Variants in SGCD observed in about 807,000 individuals in gnomAD.
The protein encoded by SGCD is delta-sarcoglycan.
Under a neutral mutation model 36.6 loss-of-function variants are expected in SGCD, and 18 were observed. The ratio of observed to expected loss-of-function variants is 0.49; its 90% CI spans 0.34 to 0.73. SGCD has a LOEUF of 0.73. SGCD is among the 30% of genes least tolerant of loss of function. SGCD has a pLI of 0.01. For synonymous variants in SGCD, 133 were observed against 130.6 expected, an observed-to-expected ratio of 1.02 and a Z score of -0.12; for missense variants, 387 against 346.7, an observed-to-expected ratio of 1.12 and a Z score of -0.92.
In SGCD at chr5:156,231,100, C is replaced by T. The variant is rs116150509; in HGVS notation, c.-43-98434C>T. Among the ~76,000 whole-genome samples the T allele has an allele frequency of 8.4e-3, 1,283 of 152,198 alleles. 11 individuals are homozygous for T. Among genetic ancestry groups the T allele is most frequent in the African/African-American group, 0.023 (936 of 41,520 alleles). ...GGTTTTGAACTTGATGAATATGTGA[C>T]GCCACCATAAAATCCAAGGAGAAAA... On this transcript the variant is annotated intron_variant, in intron 3 of 9. Transcript: ENST00000517913.
At chr5:156,518,602 T>C (rs1023569945) in intron 4 of SGCD, among the ~76,000 whole-genome samples, 3 of 152,090 alleles carry the variant, frequency 2.0e-5, no homozygotes, top group Non-Finnish European at 4.4e-5. Context: ...CCAATTGTGA[T>C]TGGAAGTAAA....
upstream of SGCD, among the ~76,000 whole-genome samples, chr5:155,867,376 T>C (rs1163218531): frequency 6.6e-6 from 1 of 152,198 alleles, no homozygotes; most frequent in Non-Finnish European, 1.5e-5. Context: ...CCAGCTTTCA[T>C]GTGTGAGGCT....
chr5:156,712,369 T>C (rs1018622728), intron 7 of SGCD, among the ~76,000 whole-genome samples: 1 of 152,198 alleles, frequency 6.6e-6, no homozygotes, highest in Non-Finnish European at 1.5e-5. Flanking sequence ...TCAAATGAGC[T>C]GTTGGTATAG....
At chr5:155,929,748 C>G (rs1471691649) in intron 1 of SGCD, among the ~76,000 whole-genome samples, 1 of 152,182 alleles carries the variant, frequency 6.6e-6, no homozygotes, top group Non-Finnish European at 1.5e-5. Flanking sequence ...TTCCTAGTTC[C>G]ATTTACCCCT....
At chr5:156,070,382 A>G (rs941574367) in intron 1 of SGCD, among the ~76,000 whole-genome samples, 9 of 149,800 alleles carry the variant, frequency 6.0e-5, no homozygotes, top group South Asian at 2.1e-4. Context: ...GCATCTATTG[A>G]GATCATCATG....
At chr5:156,607,388 G>A (rs1581245300) in intron 6 of SGCD, among the ~76,000 whole-genome samples, 1 of 152,220 alleles carries the variant, frequency 6.6e-6, no homozygotes, top group Non-Finnish European at 1.5e-5. Flanking sequence ...GCATCCCAGG[G>A]ATGAAGCCCA....
chr5:156,713,553 A>G (rs964932206), intron 7 of SGCD, among the ~76,000 whole-genome samples: 1 of 152,152 alleles, frequency 6.6e-6, no homozygotes, highest in African/African-American at 2.4e-5. Context: ...AGAACCTTAT[A>G]TTGTCAGACT....
chr5:156,102,575 A>G (rs1761545225), intron 1 of SGCD, among the ~76,000 whole-genome samples: 1 of 152,210 alleles, frequency 6.6e-6, no homozygotes. Flanking sequence ...TGATGTATGC[A>G]TCCAAATTCT....
At chr5:156,518,551 T>C (rs890527085) in intron 4 of SGCD, among the ~76,000 whole-genome samples, 2 of 152,028 alleles carry the variant, frequency 1.3e-5, no homozygotes, top group African/African-American at 4.8e-5. Context: ...CTTGGCACCA[T>C]ATGGCACTTA....
intron 3 of SGCD, among the ~76,000 whole-genome samples, chr5:156,426,795 A>T (rs2127784323): frequency 6.6e-6 from 1 of 151,938 alleles, no homozygotes; most frequent in South Asian, 2.1e-4. Context: ...TTAGTTGAAT[A>T]AGGTGTCCTT....
intron 7 of SGCD, among the ~76,000 whole-genome samples, chr5:156,712,373 G>T (rs542569946): frequency 1.0e-3 from 156 of 152,226 alleles, no homozygotes; most frequent in African/African-American, 3.5e-3. Context: ...ATGAGCTGTT[G>T]GTATAGAGAG....
intron 3 of SGCD, among the ~76,000 whole-genome samples, chr5:156,170,109 A>T (rs190768356): frequency 6.6e-6 from 1 of 152,316 alleles, no homozygotes; most frequent in East Asian, 1.9e-4. Context: ...CAAGCGCTGA[A>T]GGGAGGCCCA....
chr5:155,968,965 C>T (rs1031912457), intron 1 of SGCD, among the ~76,000 whole-genome samples: 5 of 152,090 alleles, frequency 3.3e-5, no homozygotes, highest in Non-Finnish European at 5.9e-5. Context: ...TAAGTAAACA[C>T]TATATTTTGT....
chr5:156,542,195 C>G (rs1561766880), intron 4 of SGCD, among the ~76,000 whole-genome samples: 1 of 152,004 alleles, frequency 6.6e-6, no homozygotes. Flanking sequence ...AAGAGTAAGA[C>G]AACAGGTGCA....
intron 7 of SGCD, among the ~76,000 whole-genome samples, chr5:156,719,598 G>C (rs993746409): frequency 6.6e-6 from 1 of 152,090 alleles, no homozygotes; most frequent in African/African-American, 2.4e-5. Flanking sequence ...GTACTGCAGA[G>C]TACATACCTA....
intron 3 of SGCD, among the ~76,000 whole-genome samples, chr5:156,172,468 C>T (rs746631710): frequency 2.0e-5 from 3 of 152,140 alleles, no homozygotes; most frequent in Non-Finnish European, 4.4e-5. Context: ...AATTTCTAAA[C>T]TTCTCTGGTT....
chr5:156,629,799 GC>G (rs1036114280), intron 6 of SGCD, among the ~76,000 whole-genome samples: 39 of 151,438 alleles, frequency 2.6e-4, no homozygotes, highest in Non-Finnish European at 8.8e-5. Flanking sequence ...GACAAATTTG[GC>G]CCATGGGTTC....
At chr5:155,896,156 G>A (rs1756252452) in intron 1 of SGCD, among the ~76,000 whole-genome samples, 1 of 152,130 alleles carries the variant, frequency 6.6e-6, no homozygotes, top group Admixed American at 6.5e-5. Flanking sequence ...TTGATTTTCA[G>A]TTTGGGTAAG....
At chr5:156,562,852 T>G (rs1275810336) in intron 4 of SGCD, among the ~76,000 whole-genome samples, 1 of 151,220 alleles carries the variant, frequency 6.6e-6, no homozygotes, top group African/African-American at 2.4e-5. Flanking sequence ...TTTTATATAC[T>G]TAAATATAAC....
Sources: gnomAD v4.1 joint callset for allele counts (sites outside exome capture counted in the v4.1 genomes callset) on GRCh38, gnomAD v4.1.1 for gene constraint, MANE v1.5 for transcripts, NCBI Gene and HGNC (gene_info 2026-07-23, HGNC 2026-07-21) for gene names.